SASH1: variants seen among roughly 807,000 people sequenced by gnomAD.
SASH1 encodes the protein SAM and SH3 domain-containing protein 1.
In SASH1, 44 loss-of-function variants were observed where a neutral mutation model predicts 125.2. The observed-to-expected ratio is 0.35, with a 90% CI of 0.28 to 0.45. The LOEUF (loss-of-function observed/expected upper bound fraction) is 0.45. Ranked by LOEUF, SASH1 falls within the 20% of genes least tolerant of loss-of-function variation. SASH1 has a pLI of 1.00. For synonymous variants in SASH1, 639 were observed against 649.1 expected, an observed-to-expected ratio of 0.98 and a Z score of 0.24; for missense variants, 1,426 against 1,614.5, an observed-to-expected ratio of 0.88 and a Z score of 2.00.
At chr6:148,297,448 G>A (rs937708377) in intron 1 of SASH1, among the ~76,000 whole-genome samples, 5 of 152,140 alleles carry the variant, frequency 3.3e-5, no homozygotes, top group African/African-American at 9.7e-5. Context: ...AAAAAAATAT[G>A]AGCCATCTAG....
chr6:148,543,538 A>G, intron 17 of SASH1, 142 bp from the exon 18 acceptor site: 1 of 654,412 alleles, frequency 1.5e-6, no homozygotes, highest in Non-Finnish European at 2.5e-6. Flanking sequence ...CCGATGTCAT[A>G]AATGGTGATT....
At chr6:148,297,558 G>T (rs1486199905) in intron 1 of SASH1, among the ~76,000 whole-genome samples, 1 of 152,204 alleles carries the variant, frequency 6.6e-6, no homozygotes, top group East Asian at 1.9e-4. Flanking sequence ...TATTGTCCGG[G>T]TGTGGCGGCT....
chr6:148,316,500 A>T (rs190962655), intron 1 of SASH1, among the ~76,000 whole-genome samples: 3 of 152,240 alleles, frequency 2.0e-5, no homozygotes, highest in Non-Finnish European at 2.9e-5. Context: ...TTGACTTCGA[A>T]CAGCACACGG....
intron 4 of SASH1, among the ~76,000 whole-genome samples, chr6:148,467,422 A>G (rs1427151572): frequency 6.6e-6 from 1 of 151,986 alleles, no homozygotes; most frequent in Non-Finnish European, 1.5e-5. Context: ...TTGTTTGTCT[A>G]AGTTTTTTTC....
At chr6:148,299,536 G>T (rs947067050) in intron 1 of SASH1, among the ~76,000 whole-genome samples, 4 of 151,620 alleles carry the variant, frequency 2.6e-5, no homozygotes, top group Non-Finnish European at 5.9e-5. Context: ...GCATAGTGGT[G>T]CACGTCTGTA....
intron 1 of SASH1, among the ~76,000 whole-genome samples, chr6:148,294,781 T>G (rs1395811672): frequency 1.3e-5 from 2 of 152,188 alleles, no homozygotes; most frequent in African/African-American, 4.8e-5. Context: ...TGAGTTGCCC[T>G]TATATCTTAT....
chr6:148,508,940 G>C, intron 8 of SASH1: 1 of 871,424 alleles, frequency 1.1e-6, no homozygotes, highest in Admixed American at 2.3e-5. Flanking sequence ...TCAAGTAAAA[G>C]TTTTTGCTGC....
intron 4 of SASH1, among the ~76,000 whole-genome samples, chr6:148,461,233 G>A (rs982871150): frequency 1.3e-5 from 2 of 152,186 alleles, no homozygotes; most frequent in Admixed American, 1.3e-4. Context: ...TCCTGAATGT[G>A]TGTGCTGGGT....
chr6:148,382,047 C>T (rs960312088), intron 1 of SASH1, among the ~76,000 whole-genome samples: 1 of 152,172 alleles, frequency 6.6e-6, no homozygotes, highest in African/African-American at 2.4e-5. Flanking sequence ...TTCACCCTTT[C>T]TGGTATGGTT....
chr6:148,357,249 G>T (rs572609258), intron 1 of SASH1, among the ~76,000 whole-genome samples: 1 of 152,220 alleles, frequency 6.6e-6, no homozygotes, highest in South Asian at 2.1e-4. Context: ...TGTAAATAAT[G>T]TAGGGTTCCT....
intron 4 of SASH1, among the ~76,000 whole-genome samples, chr6:148,448,372 T>C (rs1776910524): frequency 6.6e-6 from 1 of 152,170 alleles, no homozygotes; most frequent in Admixed American, 6.5e-5. Context: ...GCTAAACTTT[T>C]GCCATGAAGC....
chr6:148,323,056 C>T (rs1176359518), intron 1 of SASH1, among the ~76,000 whole-genome samples: 1 of 147,450 alleles, frequency 6.8e-6, no homozygotes, highest in African/African-American at 2.5e-5. Flanking sequence ...AGACAGGGTT[C>T]TAGCTCCGTC....
At chr6:148,480,321 TAA>T (rs67748460) in intron 7 of SASH1, 41 of 122,264 alleles carry the variant, frequency 3.4e-4, no homozygotes, top group Admixed American at 4.2e-4. Flanking sequence ...AACTCCATCT[TAA>T]AAAAAAAAAA....
chr6:148,279,956 C>T (rs958645065), intron 1 of SASH1, among the ~76,000 whole-genome samples: 5 of 149,934 alleles, frequency 3.3e-5, no homozygotes, highest in Non-Finnish European at 5.9e-5. Context: ...CACTGCACTC[C>T]AGCCTGGGTG....
chr6:148,215,680 C>T, the SASH1 span, among the ~76,000 whole-genome samples: 3 of 152,084 alleles, frequency 2.0e-5, no homozygotes, highest in Non-Finnish European at 4.4e-5. Flanking sequence ...TAATGACTAT[C>T]TTATTTCTGA....
At chr6:148,469,605 T>C (rs117933648) in intron 5 of SASH1, among the ~76,000 whole-genome samples, 10,688 of 152,204 alleles carry the variant, frequency 0.07, 503 homozygotes, top group Non-Finnish European at 0.1. Flanking sequence ...TAGCACCATG[T>C]ACCTGTAGTC....
intron 16 of SASH1, among the ~76,000 whole-genome samples, chr6:148,535,816 T>A (rs987753980): frequency 6.6e-6 from 1 of 152,232 alleles, no homozygotes; most frequent in Non-Finnish European, 1.5e-5. Context: ...AGGACTCTGC[T>A]TCAGGGATAT....
chr6:148,463,291 C>T (rs1012514013), intron 4 of SASH1, among the ~76,000 whole-genome samples: 3 of 151,988 alleles, frequency 2.0e-5, no homozygotes, highest in Non-Finnish European at 2.9e-5. Context: ...ATTACAGGTG[C>T]TCTCCACCAC....
chr6:148,322,865 ATCT>A (rs1780675278), intron 1 of SASH1, among the ~76,000 whole-genome samples: 1 of 143,126 alleles, frequency 7.0e-6, no homozygotes, highest in Non-Finnish European at 1.5e-5. Flanking sequence ...CATCCAAATC[ATCT>A]TTCTTTCTTT....
Sources: gnomAD v4.1 joint callset for allele counts (sites outside exome capture counted in the v4.1 genomes callset) on GRCh38, gnomAD v4.1.1 for gene constraint, MANE v1.5 for transcripts, NCBI Gene and HGNC (gene_info 2026-07-23, HGNC 2026-07-21) for gene names.